NBR1: variants seen among roughly 807,000 people sequenced by gnomAD.
NBR1 encodes next to BRCA1 gene 1 protein.
NBR1 carries 59 observed loss-of-function variants against 115.5 expected under a neutral mutation model. That is an observed-to-expected ratio of 0.51 (90% CI 0.41 to 0.63). The LOEUF (loss-of-function observed/expected upper bound fraction) is 0.63. NBR1 is among the 30% of genes least tolerant of loss of function. NBR1 has a pLI of 0.00. For synonymous variants in NBR1, 373 were observed against 414.7 expected (o/e 0.90, Z 1.22); for missense variants, 1,043 against 1,150.5 (o/e 0.91, Z 1.35).
intron 19 of NBR1, 150 bp from the exon 20 acceptor site, chr17:43,203,531 A>G (rs2057248353): frequency 3.6e-6 from 2 of 552,468 alleles, no homozygotes; most frequent in Middle Eastern, 3.8e-4. Flanking sequence ...CTGTAGCTAT[A>G]AAGCTGATAA....
chr17:43,179,580 T>C (rs11650913), intron 4 of NBR1, among the ~76,000 whole-genome samples, 168 bp downstream of exon 4: 46,215 of 151,998 alleles, frequency 0.3, 7,593 homozygotes, highest in South Asian at 0.49. Flanking sequence ...TTTTTATATA[T>C]AGGATGATGC....
At chr17:43,176,234 G>T in intron 2 of NBR1, 2 of 202,738 alleles carry the variant, frequency 9.9e-6, no homozygotes, top group South Asian at 1.2e-4. Flanking sequence ...CCAAGGAAAT[G>T]TTCTCTTGTG....
intron 16 of NBR1, among the ~76,000 whole-genome samples, chr17:43,199,092 T>C (rs913382571): frequency 3.9e-5 from 6 of 152,052 alleles, no homozygotes; most frequent in Non-Finnish European, 8.8e-5. Flanking sequence ...GGGTAATTTT[T>C]TTTTTTTTTT....
chr17:43,206,077 G>A (rs1176757059), intron 20 of NBR1, among the ~76,000 whole-genome samples: 5 of 151,390 alleles, frequency 3.3e-5, no homozygotes, highest in African/African-American at 4.9e-5. Context: ...TCAGGAGGCC[G>A]AGGCAGGAGA....
intron 19 of NBR1, 90 bp downstream of exon 19, chr17:43,202,802 ATCT>A: frequency 9.9e-7 from 1 of 1,006,814 alleles, no homozygotes; most frequent in Non-Finnish European, 1.5e-6. Flanking sequence ...GTATGTACCC[ATCT>A]TCAGAGAGCA....
intron 5 of NBR1, among the ~76,000 whole-genome samples, chr17:43,181,036 T>C (rs968169699): frequency 6.6e-6 from 1 of 152,134 alleles, no homozygotes; most frequent in African/African-American, 2.4e-5. Context: ...CACGCCCGGC[T>C]AACTTTTTAT....
Position 43,189,183 on chromosome 17 carries a change from T to C in NBR1, c.480+64T>C, listed in dbSNP as rs1007141394. On this transcript the variant is annotated intron_variant, in intron 7 of 20. Coordinates refer to ENST00000590996, the MANE Select transcript of NBR1 (RefSeq NM_005899.5). ...TGGCACAGGTGGAATGTGGAAGAAA[T>C]AGAAAACTGAACCCAGGTGGCTGCT... 5 of 1,217,302 alleles carry C rather than the reference T, an allele frequency of 4.1e-6. No individual in the cohort carries two copies. In the African/African-American group the frequency reaches 6.0e-5, roughly 15 times the overall value. The allele number at this position is 1,217,302 out of a possible 1,614,324, so 75.4% of individuals were successfully genotyped here. A position where few individuals can be genotyped will look rare whatever the true frequency, so the allele number is the denominator to read the frequency against.
intron 16 of NBR1, among the ~76,000 whole-genome samples, chr17:43,199,330 C>T (rs1320488953): frequency 6.6e-6 from 1 of 151,940 alleles, no homozygotes; most frequent in Non-Finnish European, 1.5e-5. Flanking sequence ...CTGCCTTGGC[C>T]TCCCAACGTG....
intron 16 of NBR1, among the ~76,000 whole-genome samples, chr17:43,198,960 CTCAAA>C (rs1342994486): frequency 1.3e-5 from 2 of 152,096 alleles, no homozygotes; most frequent in African/African-American, 4.8e-5. Context: ...GAGACTCCAT[CTCAAA>C]TCAATCAGTC....
intron 1 of NBR1, among the ~76,000 whole-genome samples, chr17:43,172,825 A>G (rs2056409232): frequency 6.6e-6 from 1 of 151,992 alleles, no homozygotes; most frequent in East Asian, 1.9e-4. Context: ...CTGGTTTATT[A>G]TTATTTATTT....
In NBR1 at chr17:43,189,587, GT is replaced by G; in HGVS notation, c.482del (p.Phe161SerfsTer97). The part of the protein sequence containing the change: ...PDWFTSYLET[F>X]REQVVNETVE... ...TCCCTACCTTCTGCTCCATATTCTA[GT>G]TCAGAGAACAAGTGGTTAACGAAAC... is the stretch of plus-strand genomic sequence containing the variant. On this transcript the variant is annotated frameshift_variant and splice_region_variant, in exon 8 of 21. Transcript: ENST00000590996. LOFTEE classifies it high-confidence loss of function. 1 of 1,612,520 alleles carries G rather than the reference GT, an allele frequency of 6.2e-7. No homozygotes were observed. The highest frequency in any genetic ancestry group is 8.5e-7 in the Non-Finnish European group (1 of 1,178,810).
intron 18 of NBR1, 114 bp from the exon 19 acceptor site, chr17:43,202,541 A>T (rs1598012109): frequency 1.6e-6 from 1 of 612,198 alleles, no homozygotes; most frequent in Non-Finnish European, 2.7e-6. Context: ...AAAAAAAAAG[A>T]CTTCAAACAC....
intron 16 of NBR1, 77 bp downstream of exon 16, chr17:43,197,183 G>A (rs2057088385): frequency 7.4e-7 from 1 of 1,342,902 alleles, no homozygotes; most frequent in Middle Eastern, 2.4e-4. Flanking sequence ...AGTTAGATGT[G>A]CTCTTCTTCA....
intron 1 of NBR1, among the ~76,000 whole-genome samples, chr17:43,173,857 C>T (rs1257253971): frequency 6.7e-6 from 1 of 149,662 alleles, no homozygotes; most frequent in Non-Finnish European, 1.5e-5. Context: ...GCAGACCACG[C>T]TGTAAATCCC....
At chr17:43,191,602 G>A in intron 10 of NBR1, 21 bp downstream of exon 10, 2 of 1,558,604 alleles carry the variant, frequency 1.3e-6, no homozygotes, top group Non-Finnish European at 1.7e-6. Context: ...GACTGGGGTG[G>A]GAGCCAAAAC....
At chr17:43,177,620 C>CACACACACACACAG (rs1330894405) in intron 2 of NBR1, among the ~76,000 whole-genome samples, 217 of 141,660 alleles carry the variant, frequency 1.5e-3, no homozygotes, top group African/African-American at 5.3e-3. Context: ...CACACACACA[C>CACACACACACACAG]AGTTTGGTAT....
rs373513900 is a variant in NBR1 at position 43,186,460 on chromosome 17, C to T, written c.402+16C>T. On this transcript the variant is annotated intron_variant, in intron 6 of 20. Coordinates refer to ENST00000590996, the MANE Select transcript of NBR1 (RefSeq NM_005899.5). ...TGCAGTGCAGGTATGAAGGGTATGG[C>T]CCAGTCTATCCAATATCGTTTCTTT... is the stretch of plus-strand genomic sequence containing the variant. 12 of 1,487,034 alleles carry T rather than the reference C, an allele frequency of 8.1e-6. No individual in the cohort carries two copies. The East Asian group carries it at 1.5e-4, about 19-fold the overall frequency. 92.1% of individuals were successfully genotyped at this position (1,487,034 alleles called of 1,614,324 possible).
In NBR1 at chr17:43,194,335, G is replaced by C. The variant is rs755186080; in HGVS notation, c.1525-15G>C. 32 of 1,602,932 alleles carry C rather than the reference G, an allele frequency of 2.0e-5. 1 individual carries two copies. The South Asian group carries it at 3.6e-4, about 18-fold the overall frequency. On this transcript the variant is annotated splice_polypyrimidine_tract_variant and intron_variant, in intron 12 of 20. Coordinates refer to ENST00000590996, the MANE Select transcript of NBR1 (RefSeq NM_005899.5). The stretch of plus-strand genomic sequence containing the variant: ...TTGAAGGCCTAAAATTTGTCTCAAT[G>C]GTTTGTCTCTATAGGAAACTTTTCT...
intron 20 of NBR1, among the ~76,000 whole-genome samples, chr17:43,207,786 C>T (rs558512940): frequency 6.6e-6 from 1 of 152,148 alleles, no homozygotes; most frequent in South Asian, 2.1e-4. Context: ...TTTTTTCTCC[C>T]CAAATATTTT....
Sources: gnomAD v4.1 joint callset for allele counts (sites outside exome capture counted in the v4.1 genomes callset) on GRCh38, gnomAD v4.1.1 for gene constraint, MANE v1.5 for transcripts, NCBI Gene and HGNC (gene_info 2026-07-23, HGNC 2026-07-21) for gene names.